The following PCDH19 variants were observed in gnomAD, a reference collection of about 807,000 sequenced individuals.
The protein encoded by PCDH19 is protocadherin-19.
Under a neutral mutation model 46.2 loss-of-function variants are expected in PCDH19, and 6 were observed. The ratio of observed to expected loss-of-function variants is 0.13; its 90% CI spans 0.07 to 0.26. The LOEUF (loss-of-function observed/expected upper bound fraction) is 0.26, where lower values mean the gene tolerates loss of function less well. Among genes scored for constraint, PCDH19 ranks in the 10% least tolerant of loss-of-function variants. The pLI, the probability that PCDH19 is intolerant of heterozygous loss-of-function variation, is 1.00. For synonymous variants in PCDH19, 481 were observed against 415.7 expected (o/e 1.16, Z -1.91); for missense variants, 740 against 972.3 (o/e 0.76, Z 3.18).
At chrX:100,402,893 C>G in intron 2 of PCDH19, 42 bp from the exon 3 acceptor site, 1 of 1,026,212 alleles carries the variant, frequency 9.7e-7, no homozygotes. Flanking sequence ...AACACCCTCC[C>G]AAATCATGCA....
At chrX:100,321,549 T>C (rs1925478740) in intron 5 of PCDH19, among the ~76,000 whole-genome samples, 1 of 111,772 alleles carries the variant, frequency 8.9e-6, no homozygotes, top group African/African-American at 3.3e-5. Flanking sequence ...CATATGTTTG[T>C]TGGCCATTTG....
chrX:100,382,907 G>C (rs903449500), intron 3 of PCDH19, among the ~76,000 whole-genome samples: 15 of 112,066 alleles, frequency 1.3e-4, no homozygotes, highest in African/African-American at 4.9e-4. Context: ...GAGCCACTAA[G>C]GAAAAGAATA....
chrX:100,363,886 T>TGTGA (rs1207488480), intron 3 of PCDH19, among the ~76,000 whole-genome samples: 4 of 98,042 alleles, frequency 4.1e-5, no homozygotes, highest in Admixed American at 3.4e-4. Context: ...TGTGTGTGTG[T>TGTGA]GAGAGAGAGG....
chrX:100,398,679 G>A (rs1225898854), intron 3 of PCDH19, among the ~76,000 whole-genome samples: 3 of 112,176 alleles, frequency 2.7e-5, no homozygotes, highest in Non-Finnish European at 3.8e-5. Flanking sequence ...GAATCTCCAT[G>A]GTCCCTGCCA....
intron 5 of PCDH19, among the ~76,000 whole-genome samples, chrX:100,307,121 C>T (rs1394277607): frequency 9.0e-6 from 1 of 111,503 alleles, no homozygotes; most frequent in Admixed American, 9.5e-5. Flanking sequence ...GACCAATATC[C>T]CTGATGAACA....
chrX:100,322,175 A>G (rs972755654), intron 5 of PCDH19, among the ~76,000 whole-genome samples: 1 of 110,846 alleles, frequency 9.0e-6, no homozygotes, highest in Admixed American at 9.6e-5. Context: ...TTCCAATGTT[A>G]TCTTCTAGAA....
At chrX:100,373,570 CT>C (rs1259702955) in intron 3 of PCDH19, among the ~76,000 whole-genome samples, 1 of 112,245 alleles carries the variant, frequency 8.9e-6, no homozygotes, top group Non-Finnish European at 1.9e-5. Flanking sequence ...AGAGAAAGCT[CT>C]TCAGAGCTAG....
chrX:100,359,989 A>G (rs1395572181), intron 3 of PCDH19, among the ~76,000 whole-genome samples: 1 of 111,293 alleles, frequency 9.0e-6, no homozygotes, highest in Non-Finnish European at 1.9e-5. Flanking sequence ...TCAGTGCCTC[A>G]GTTCTCTGCC....
chrX:100,340,822 A>G (rs1926232685), intron 5 of PCDH19, among the ~76,000 whole-genome samples: 1 of 112,425 alleles, frequency 8.9e-6, no homozygotes, highest in Non-Finnish European at 1.9e-5. Flanking sequence ...CCAAAACAAA[A>G]GCATTTAATG....
intron 5 of PCDH19, among the ~76,000 whole-genome samples, chrX:100,309,617 C>G (rs923681368): frequency 3.6e-5 from 4 of 111,349 alleles, no homozygotes; most frequent in African/African-American, 1.3e-4. Context: ...CATAACAGAG[C>G]CCTGAATAAG....
At chrX:100,330,081 AT>A (rs1435343754) in intron 5 of PCDH19, among the ~76,000 whole-genome samples, 2 of 111,625 alleles carry the variant, frequency 1.8e-5, no homozygotes, top group African/African-American at 3.3e-5. Flanking sequence ...AGCTGGAAGC[AT>A]TTTTTTTCAA....
At position 100,388,672 on chromosome X, in the gene PCDH19, T is replaced by G. The variant is rs886355993; in HGVS notation, c.2616+13852A>C. Among the ~76,000 whole-genome samples, 22 of 110,926 alleles carry G rather than the reference T, an allele frequency of 2.0e-4. No individual in the cohort carries two copies. In the Admixed American group the frequency reaches 2.1e-3, roughly 11 times the overall value. ...CAAATTGCCCCCAGGAAAGATTATA[T>G]CAATTTTTTAAATTATACTCCATGT... On this transcript the variant is annotated intron_variant, in intron 3 of 5. Transcript: ENST00000373034.
chrX:100,388,746 CT>C lies in PCDH19; in HGVS notation c.2616+13777del, dbSNP rs760711722. Among the ~76,000 whole-genome samples, 42 of 109,187 alleles carry C rather than the reference CT, an allele frequency of 3.8e-4. No individual in the cohort carries two copies. The East Asian group carries it at 0.011, about 28-fold the overall frequency. 94.8% of individuals were successfully genotyped at this position (109,187 alleles called of 115,157 possible). ...TTGCCATCACTGTTTTTTTTTTAAT[CT>C]TTGCTTATTTGATAAGTACAAAATG... is the stretch of plus-strand genomic sequence containing the variant. On this transcript the variant is annotated intron_variant, in intron 3 of 5. Transcript: ENST00000373034.
At chrX:100,347,020 G>C (rs1926424283) in intron 4 of PCDH19, among the ~76,000 whole-genome samples, 1 of 110,496 alleles carries the variant, frequency 9.1e-6, no homozygotes, top group African/African-American at 3.3e-5. Flanking sequence ...TTAATCTGGG[G>C]CCCTCACATA....
Position 100,296,834 on chromosome X carries a change from G to C in PCDH19, c.2890C>G (p.Leu964Val). Reference protein sequence around the residue: ...GFHCREECRILGHSDRCWMPR... With the variant: ...GFHCREECRIVGHSDRCWMPR... ...ATCCAGCACCTGTCAGAGTGGCCAA[G>C]AATCCGGCATTCTTCCCGGCAATGA... Residue 964 changes from leucine (L) to valine (V), a missense_variant, in exon 6 of 6, where the codon CTT becomes GTT. Transcript: ENST00000373034. The C allele has an allele frequency of 8.3e-7, 1 of 1,210,843 alleles. No homozygotes were observed. The highest frequency in any genetic ancestry group is 1.1e-6 in the Non-Finnish European group (1 of 894,772).
intron 5 of PCDH19, among the ~76,000 whole-genome samples, chrX:100,329,319 CTG>C (rs1169464333): frequency 7.1e-5 from 8 of 112,005 alleles, no homozygotes; most frequent in Non-Finnish European, 1.1e-4. Flanking sequence ...TGCACAGACA[CTG>C]TATTTCTGAG....
At chrX:100,363,648 TA>T (rs1355250126) in intron 3 of PCDH19, among the ~76,000 whole-genome samples, 1 of 101,219 alleles carries the variant, frequency 9.9e-6, no homozygotes, top group East Asian at 2.9e-4. Flanking sequence ...TATGGGCATA[TA>T]ATATATATTC....
At chrX:100,317,597 A>C (rs201096660) in intron 5 of PCDH19, among the ~76,000 whole-genome samples, 1 of 2,013 alleles carries the variant, frequency 5.0e-4, no homozygotes, top group Non-Finnish European at 0.01. Context: ...CACCATATTT[A>C]AAAAAAAAAA....
At chrX:100,323,432 T>C (rs1925584543) in intron 5 of PCDH19, among the ~76,000 whole-genome samples, 1 of 111,920 alleles carries the variant, frequency 8.9e-6, no homozygotes, top group Admixed American at 9.5e-5. Flanking sequence ...AGCAGAACAA[T>C]GCCCTGAAGT....
Sources: gnomAD v4.1 joint callset for allele counts (sites outside exome capture counted in the v4.1 genomes callset) on GRCh38, gnomAD v4.1.1 for gene constraint, MANE v1.5 for transcripts, NCBI Gene and HGNC (gene_info 2026-07-23, HGNC 2026-07-21) for gene names.